The following PIP5K1B variants were observed in gnomAD, a reference collection of about 807,000 sequenced individuals.
PIP5K1B encodes the protein phosphatidylinositol-4-phosphate 5-kinase type 1 beta.
In PIP5K1B, 42 loss-of-function variants were observed where a neutral mutation model predicts 67.0. The observed-to-expected ratio is 0.63, with a 90% CI of 0.49 to 0.81. The LOEUF (loss-of-function observed/expected upper bound fraction) is 0.81. Ranked by LOEUF, PIP5K1B falls within the 30% of genes least tolerant of loss-of-function variation. The pLI is 0.00. For synonymous variants in PIP5K1B, 214 were observed against 231.4 expected (o/e 0.92, Z 0.68); for missense variants, 459 against 646.3 (o/e 0.71, Z 3.14).
At chr9:68,895,413 G>A (rs952992460) in intron 8 of PIP5K1B, among the ~76,000 whole-genome samples, 10 of 152,182 alleles carry the variant, frequency 6.6e-5, no homozygotes, top group Non-Finnish European at 1.3e-4. Flanking sequence ...ACTTGGCTAA[G>A]TTGGGTAGTG....
chr9:68,881,026 C>G (rs1824177146), intron 6 of PIP5K1B, among the ~76,000 whole-genome samples: 1 of 152,188 alleles, frequency 6.6e-6, no homozygotes, highest in Non-Finnish European at 1.5e-5. Context: ...GACTTTTTAG[C>G]TCAATCCTTC....
chr9:68,793,007 G>T (rs1173743962), intron 2 of PIP5K1B, among the ~76,000 whole-genome samples: 2 of 123,612 alleles, frequency 1.6e-5, no homozygotes, highest in African/African-American at 5.4e-5. Flanking sequence ...TTCTAACAGG[G>T]TAGAAGGAGG....
chr9:68,883,960 TG>T (rs1824327935), intron 6 of PIP5K1B, among the ~76,000 whole-genome samples: 1 of 152,066 alleles, frequency 6.6e-6, no homozygotes, highest in Admixed American at 6.6e-5. Flanking sequence ...TTCAGAAGAA[TG>T]AAATTGGACC....
At chr9:68,882,070 A>G (rs1033591899) in intron 6 of PIP5K1B, among the ~76,000 whole-genome samples, 5 of 152,226 alleles carry the variant, frequency 3.3e-5, no homozygotes, top group Non-Finnish European at 5.9e-5. Flanking sequence ...TCCAGTGAAT[A>G]TAGCAGGGAG....
At chr9:68,732,272 T>A (rs1828478235) in intron 1 of PIP5K1B, among the ~76,000 whole-genome samples, 1 of 152,244 alleles carries the variant, frequency 6.6e-6, no homozygotes. Flanking sequence ...GGGTCTCTCG[T>A]TTATTTTTCA....
intron 2 of PIP5K1B, among the ~76,000 whole-genome samples, chr9:68,817,323 T>C (rs1404099830): frequency 3.3e-5 from 5 of 152,214 alleles, no homozygotes; most frequent in African/African-American, 1.2e-4. Flanking sequence ...GTAGCAATAG[T>C]CATTCAAATA....
chr9:68,728,913 T>C (rs2132282842), intron 1 of PIP5K1B: 1 of 152,328 alleles, frequency 6.6e-6, no homozygotes, highest in Non-Finnish European at 1.5e-5. Context: ...ACTAATGAGC[T>C]GCTGGGGAAG....
At chr9:68,890,802 A>G (rs1489297205) in intron 7 of PIP5K1B, among the ~76,000 whole-genome samples, 3 of 152,166 alleles carry the variant, frequency 2.0e-5, no homozygotes, top group African/African-American at 4.8e-5. Context: ...TTTTAAAATT[A>G]TCTAAAATTA....
intron 4 of PIP5K1B, among the ~76,000 whole-genome samples, chr9:68,840,391 A>AG (rs1370314099): frequency 6.6e-6 from 1 of 152,040 alleles, no homozygotes; most frequent in Non-Finnish European, 1.5e-5. Flanking sequence ...AAAAAAAAAA[A>AG]GAAAATATTT....
intron 5 of PIP5K1B, among the ~76,000 whole-genome samples, chr9:68,874,870 G>T (rs2132309940): frequency 6.6e-6 from 1 of 152,310 alleles, no homozygotes; most frequent in African/African-American, 2.4e-5. Flanking sequence ...GCTTGCAAAA[G>T]TGAGGAAGGA....
intron 2 of PIP5K1B, among the ~76,000 whole-genome samples, chr9:68,785,547 T>G (rs1175975905): frequency 1.3e-5 from 2 of 152,218 alleles, no homozygotes; most frequent in African/African-American, 4.8e-5. Flanking sequence ...AGTAATAAAA[T>G]ACTTGCTATG....
intron 1 of PIP5K1B, among the ~76,000 whole-genome samples, chr9:68,712,356 T>C (rs2132239516): frequency 6.6e-6 from 1 of 152,358 alleles, no homozygotes; most frequent in East Asian, 1.9e-4. Context: ...AAACCTCTTT[T>C]CTTTATGAAT....
intron 2 of PIP5K1B, among the ~76,000 whole-genome samples, chr9:68,745,567 G>T (rs985293035): frequency 6.6e-6 from 1 of 152,092 alleles, no homozygotes; most frequent in East Asian, 1.9e-4. Context: ...CATAGAAAAG[G>T]CTCCTGGGAG....
intron 6 of PIP5K1B, among the ~76,000 whole-genome samples, chr9:68,882,848 C>T (rs1005199353): frequency 2.0e-5 from 3 of 152,154 alleles, no homozygotes; most frequent in African/African-American, 7.2e-5. Context: ...AAATGAGAAA[C>T]CCAACATTTT....
intron 6 of PIP5K1B, among the ~76,000 whole-genome samples, chr9:68,886,072 G>A (rs1031468677): frequency 3.3e-5 from 5 of 152,010 alleles, no homozygotes; most frequent in African/African-American, 4.8e-5. Flanking sequence ...CCAGCTACTC[G>A]GGAGGCTGAG....
chr9:68,820,816 CAT>C (rs1216132504), intron 3 of PIP5K1B, among the ~76,000 whole-genome samples: 11 of 152,134 alleles, frequency 7.2e-5, no homozygotes, highest in Non-Finnish European at 1.5e-5. Context: ...TTATAGGTCA[CAT>C]GTGAAAATCT....
intron 8 of PIP5K1B, 30 bp from the exon 9 acceptor site, chr9:68,917,518 A>T: frequency 2.6e-6 from 4 of 1,555,464 alleles, no homozygotes; most frequent in Non-Finnish European, 3.5e-6. Context: ...CTTTGGGTTG[A>T]CTGGCTTCCT....
At chr9:68,748,902 G>A (rs1403097448) in intron 2 of PIP5K1B, among the ~76,000 whole-genome samples, 2 of 152,160 alleles carry the variant, frequency 1.3e-5, no homozygotes, top group Admixed American at 1.3e-4. Flanking sequence ...GTGACCCACC[G>A]CACTCGGCCA....
chr9:68,776,024 G>C (rs1830899376), intron 2 of PIP5K1B, among the ~76,000 whole-genome samples: 1 of 152,060 alleles, frequency 6.6e-6, no homozygotes, highest in East Asian at 1.9e-4. Context: ...TTAGTCGTGG[G>C]CTATAAATAT....
Sources: gnomAD v4.1 joint callset for allele counts (sites outside exome capture counted in the v4.1 genomes callset) on GRCh38, gnomAD v4.1.1 for gene constraint, MANE v1.5 for transcripts, NCBI Gene and HGNC (gene_info 2026-07-23, HGNC 2026-07-21) for gene names.